The following LEF1 variants were observed in gnomAD, a reference collection of about 807,000 sequenced individuals.
LEF1 encodes the protein lymphoid enhancer binding factor 1.
LEF1 carries 14 observed loss-of-function variants against 51.2 expected under a neutral mutation model. The ratio of observed to expected loss-of-function variants is 0.27; its 90% CI spans 0.18 to 0.43. LEF1 has a LOEUF of 0.43. LEF1 is among the 20% of genes least tolerant of loss of function. LEF1 has a pLI of 1.00. For missense variants in LEF1, 386 were observed against 512.0 expected, an observed-to-expected ratio of 0.75 and a Z score of 2.37; for synonymous variants, 185 against 183.2, an observed-to-expected ratio of 1.01 and a Z score of -0.08.
At chr4:108,092,323 AAAGT>A (rs769832163) in intron 3 of LEF1, among the ~76,000 whole-genome samples, 1 of 152,252 alleles carries the variant, frequency 6.6e-6, no homozygotes, top group Non-Finnish European at 1.5e-5. Context: ...CCAAATAATA[AAAGT>A]AATATGAAAT....
chr4:108,152,435 G>T (rs1446142127), intron 3 of LEF1, among the ~76,000 whole-genome samples: 1 of 152,200 alleles, frequency 6.6e-6, no homozygotes, highest in East Asian at 1.9e-4. Context: ...AGCCAGTGGG[G>T]CAAGGCACTC....
chr4:108,160,394 G>T (rs1744990000), intron 3 of LEF1, among the ~76,000 whole-genome samples: 2 of 152,160 alleles, frequency 1.3e-5, no homozygotes, highest in Non-Finnish European at 2.9e-5. Context: ...ACAGGCTTCT[G>T]CATCTTCTCT....
At chr4:108,058,222 C>A (rs944157392) in intron 11 of LEF1, among the ~76,000 whole-genome samples, 13 of 152,038 alleles carry the variant, frequency 8.6e-5, no homozygotes, top group African/African-American at 3.1e-4. Context: ...AACTAACTCT[C>A]ATGTCATACA....
At chr4:108,090,075 G>A (rs1023977346) in intron 3 of LEF1, among the ~76,000 whole-genome samples, 7 of 152,034 alleles carry the variant, frequency 4.6e-5, no homozygotes, top group Non-Finnish European at 1.5e-5. Context: ...CCACCTTCCG[G>A]GTTCAAGTGA....
chr4:108,048,851 TTTAA>T (rs1768496916), intron 11 of LEF1, 100 bp from the exon 12 acceptor site: 1 of 727,066 alleles, frequency 1.4e-6, no homozygotes, highest in South Asian at 4.1e-5. Flanking sequence ...AACCTCTGCA[TTTAA>T]TTAATCCATT....
intron 5 of LEF1, 170 bp downstream of exon 5, chr4:108,083,186 T>C (rs1739427119): frequency 9.6e-6 from 6 of 622,714 alleles, no homozygotes; most frequent in Non-Finnish European, 1.7e-5. Flanking sequence ...TCAAAGTCTG[T>C]ATGTTTTTTA....
intron 9 of LEF1, among the ~76,000 whole-genome samples, chr4:108,068,488 G>A (rs1363084750): frequency 6.6e-6 from 1 of 152,146 alleles, no homozygotes; most frequent in Non-Finnish European, 1.5e-5. Flanking sequence ...TCATGTAATA[G>A]TATTCATTCC....
At chr4:108,070,495 G>T in intron 9 of LEF1, 168 bp downstream of exon 9, 1 of 418,950 alleles carries the variant, frequency 2.4e-6, no homozygotes, top group South Asian at 9.4e-5. Context: ...AAGATAGCTC[G>T]AAGCTTTCAT....
chr4:108,048,454 C>G lies in LEF1; in HGVS notation c.*304G>C, dbSNP rs990579555. The G allele has an allele frequency of 1.1e-5, 4 of 356,946 alleles. No homozygotes were observed. Among genetic ancestry groups the G allele is most frequent in the African/African-American group, 8.3e-5 (4 of 47,908 alleles). 22.1% of individuals were successfully genotyped at this position (356,946 alleles called of 1,614,324 possible). Reference sequence around the variant, plus strand: ...ATATGAGGGGAGAAAAGCTGCTCAGCTGCCCCACAGCCTGCTAGCATTCTC... The same window carrying G: ...ATATGAGGGGAGAAAAGCTGCTCAGGTGCCCCACAGCCTGCTAGCATTCTC... On this transcript the variant is annotated 3_prime_UTR_variant, in exon 12 of 12. Transcript: ENST00000265165.
chr4:108,144,793 G>C (rs1743892234), intron 3 of LEF1, among the ~76,000 whole-genome samples: 1 of 138,832 alleles, frequency 7.2e-6, no homozygotes, highest in African/African-American at 2.7e-5. Flanking sequence ...CCACAGCTCA[G>C]TGTGCAGCAA....
intron 3 of LEF1, among the ~76,000 whole-genome samples, chr4:108,093,149 G>C (rs1478673788): frequency 6.6e-6 from 1 of 152,038 alleles, no homozygotes; most frequent in Non-Finnish European, 1.5e-5. Context: ...CCAGGGAATG[G>C]GTAGGTCAAG....
At chr4:108,096,433 T>G (rs1202704733) in intron 3 of LEF1, among the ~76,000 whole-genome samples, 1 of 152,154 alleles carries the variant, frequency 6.6e-6, no homozygotes, top group Non-Finnish European at 1.5e-5. Flanking sequence ...AAAAATAAGA[T>G]GAAAGCTGTG....
chr4:108,049,614 C>T (rs190177170), intron 11 of LEF1, among the ~76,000 whole-genome samples: 61 of 152,314 alleles, frequency 4.0e-4, no homozygotes, highest in African/African-American at 1.4e-3. Flanking sequence ...TTGGTGGCAG[C>T]GATGCTGGAA....
At chr4:108,076,053 G>T (rs756782531) in intron 8 of LEF1, among the ~76,000 whole-genome samples, 1 of 152,088 alleles carries the variant, frequency 6.6e-6, no homozygotes, top group Non-Finnish European at 1.5e-5. Flanking sequence ...TCCTGTTTCA[G>T]AGGCGGCACA....
At chr4:108,157,264 G>A (rs574819556) in intron 3 of LEF1, among the ~76,000 whole-genome samples, 6 of 149,952 alleles carry the variant, frequency 4.0e-5, no homozygotes, top group Non-Finnish European at 7.4e-5. Flanking sequence ...GCAATGGTGC[G>A]ATCTGGGCTC....
intron 1 of LEF1, 81 bp from the exon 2 acceptor site, chr4:108,165,244 C>T (rs1745312482): frequency 2.3e-6 from 3 of 1,329,484 alleles, no homozygotes; most frequent in Non-Finnish European, 3.3e-6. Flanking sequence ...TGTGTGTGCG[C>T]TGGTAATTCA....
intron 3 of LEF1, among the ~76,000 whole-genome samples, chr4:108,160,265 T>G (rs1162901110): frequency 1.3e-5 from 2 of 152,212 alleles, no homozygotes; most frequent in Non-Finnish European, 2.9e-5. Context: ...AGAACTATTT[T>G]TTTCTTTTAA....
intron 3 of LEF1, among the ~76,000 whole-genome samples, chr4:108,127,060 T>G (rs1159783767): frequency 3.9e-5 from 6 of 152,026 alleles, no homozygotes; most frequent in African/African-American, 1.4e-4. Flanking sequence ...ATATGGCCAA[T>G]GAGGGGCTAG....
chr4:108,064,267 G>C, intron 10 of LEF1, 69 bp downstream of exon 10: 2 of 1,000,978 alleles, frequency 2.0e-6, no homozygotes, highest in Non-Finnish European at 3.2e-6. Flanking sequence ...TGTGTAGAGA[G>C]ATGCAAACTG....
Sources: allele counts gnomAD v4.1 joint callset (sites outside exome capture counted in the v4.1 genomes callset), GRCh38; gene constraint gnomAD v4.1.1; transcripts MANE v1.5; gene names NCBI Gene and HGNC (gene_info 2026-07-23, HGNC 2026-07-21).